Variants in CPQ observed in about 807,000 individuals in gnomAD.
CPQ encodes Ser-Met dipeptidase.
Under a neutral mutation model 45.7 loss-of-function variants are expected in CPQ, and 37 were observed. That is an observed-to-expected ratio of 0.81 (90% CI 0.62 to 1.07). The LOEUF is 1.07. Among genes scored for constraint, CPQ ranks in the 50% least tolerant of loss-of-function variants. CPQ has a pLI of 0.00. For synonymous variants in CPQ, 186 were observed against 205.8 expected, an observed-to-expected ratio of 0.90 and a Z score of 0.82; for missense variants, 537 against 572.9, an observed-to-expected ratio of 0.94 and a Z score of 0.64.
At chr8:96,804,287 C>T (rs1274573425) in intron 2 of CPQ, among the ~76,000 whole-genome samples, 1 of 152,084 alleles carries the variant, frequency 6.6e-6, no homozygotes, top group Non-Finnish European at 1.5e-5. Context: ...TGTGCTCTCA[C>T]ACTTCTTAGG....
intron 7 of CPQ, among the ~76,000 whole-genome samples, chr8:97,120,872 G>A (rs1296809072): frequency 6.6e-6 from 1 of 152,196 alleles, no homozygotes; most frequent in African/African-American, 2.4e-5. Flanking sequence ...TTTTGATGAT[G>A]AGTAATAATG....
At chr8:96,730,061 A>G (rs1809890710) in intron 1 of CPQ, among the ~76,000 whole-genome samples, 1 of 152,242 alleles carries the variant, frequency 6.6e-6, no homozygotes, top group Non-Finnish European at 1.5e-5. Flanking sequence ...TGAGGGAGGT[A>G]AACACAAAGG....
At chr8:96,693,778 G>T (rs893765991) in intron 1 of CPQ, among the ~76,000 whole-genome samples, 5 of 152,100 alleles carry the variant, frequency 3.3e-5, no homozygotes, top group Non-Finnish European at 7.4e-5. Context: ...TGAAGGCAAA[G>T]GACTCAGTGG....
chr8:96,944,442 A>G (rs1035717974), intron 4 of CPQ, among the ~76,000 whole-genome samples: 4 of 152,146 alleles, frequency 2.6e-5, no homozygotes, highest in East Asian at 3.9e-4. Flanking sequence ...AATATAATCA[A>G]TGCTAGTAAG....
chr8:96,664,036 C>T (rs1006090484), intron 1 of CPQ, among the ~76,000 whole-genome samples: 20 of 151,974 alleles, frequency 1.3e-4, no homozygotes, highest in African/African-American at 4.6e-4. Context: ...TCAAGAACAT[C>T]GAAGGTTATT....
chr8:96,654,703 A>G (rs545407065), intron 1 of CPQ, among the ~76,000 whole-genome samples: 33 of 152,250 alleles, frequency 2.2e-4, no homozygotes, highest in Non-Finnish European at 4.0e-4. Context: ...TTCTGACTTC[A>G]GAGAAAAAGC....
At chr8:96,686,338 A>C (rs1053274817) in intron 1 of CPQ, among the ~76,000 whole-genome samples, 2 of 152,040 alleles carry the variant, frequency 1.3e-5, no homozygotes, top group African/African-American at 4.8e-5. Flanking sequence ...GATGCAACAG[A>C]GATATTTTGT....
chr8:97,047,995 T>G (rs1178068789), intron 6 of CPQ, among the ~76,000 whole-genome samples: 1 of 152,212 alleles, frequency 6.6e-6, no homozygotes, highest in African/African-American at 2.4e-5. Context: ...ACACTCTATA[T>G]GTGAAGACCC....
At chr8:96,948,079 T>C (rs1009547758) in intron 4 of CPQ, among the ~76,000 whole-genome samples, 19 of 152,002 alleles carry the variant, frequency 1.2e-4, no homozygotes, top group African/African-American at 3.9e-4. Context: ...TTTTAAATAC[T>C]TAGCTTCTTC....
At chr8:97,016,140 A>C (rs972165335) in intron 5 of CPQ, among the ~76,000 whole-genome samples, 3 of 152,206 alleles carry the variant, frequency 2.0e-5, no homozygotes, top group African/African-American at 7.2e-5. Context: ...GTAAATACCT[A>C]TCATTTAATT....
chr8:97,120,186 T>C (rs1168186914), intron 7 of CPQ, among the ~76,000 whole-genome samples: 1 of 152,158 alleles, frequency 6.6e-6, no homozygotes, highest in Non-Finnish European at 1.5e-5. Context: ...AAGGAGCAGC[T>C]CTTCATGTGG....
chr8:96,684,107 CTT>C (rs371802996), intron 1 of CPQ, among the ~76,000 whole-genome samples: 2 of 152,068 alleles, frequency 1.3e-5, no homozygotes, highest in Admixed American at 6.6e-5. Flanking sequence ...TGTTTCTTTG[CTT>C]TTTTGTGTTT....
chr8:96,738,542 G>A lies in CPQ; in HGVS notation c.-34-46322G>A, dbSNP rs1332235982. Among the ~76,000 whole-genome samples, 11 of 151,714 alleles carry A rather than the reference G, an allele frequency of 7.3e-5. No homozygotes were observed. In the East Asian group the frequency reaches 2.1e-3, roughly 29 times the overall value. On this transcript the variant is annotated intron_variant, in intron 1 of 7. Coordinates refer to ENST00000220763, the MANE Select transcript of CPQ (RefSeq NM_016134.4). ...AGTTACATATGTATACATGTGCCAT[G>A]CTGGTGCACTGCACCCACAAACTTG... is the stretch of plus-strand genomic sequence containing the variant.
intron 5 of CPQ, among the ~76,000 whole-genome samples, chr8:97,009,405 G>A (rs1470080410): frequency 6.6e-6 from 1 of 152,144 alleles, no homozygotes; most frequent in Non-Finnish European, 1.5e-5. Flanking sequence ...GTAGAAGGTA[G>A]GTGTAAGGCC....
chr8:96,822,526 A>G (rs1461730369), intron 2 of CPQ, among the ~76,000 whole-genome samples: 1 of 151,904 alleles, frequency 6.6e-6, no homozygotes, highest in African/African-American at 2.4e-5. Context: ...GGCATTCTCA[A>G]TTTACATTCT....
intron 1 of CPQ, among the ~76,000 whole-genome samples, chr8:96,686,876 T>C (rs114171545): frequency 0.012 from 1,810 of 152,290 alleles, 47 homozygotes; most frequent in African/African-American, 0.039. Context: ...GATAGTGATA[T>C]GTTAGATTTT....
intron 2 of CPQ, among the ~76,000 whole-genome samples, chr8:96,794,346 G>A (rs116045618): frequency 0.011 from 1,599 of 152,266 alleles, 27 homozygotes; most frequent in African/African-American, 0.034. Context: ...CTCTGAAGCC[G>A]TGGTTCAGAT....
intron 7 of CPQ, among the ~76,000 whole-genome samples, chr8:97,071,461 A>T (rs934824342): frequency 6.6e-6 from 1 of 152,126 alleles, no homozygotes; most frequent in African/African-American, 2.4e-5. Context: ...ATTAGCAGGC[A>T]CTATAATTCA....
chr8:96,699,610 T>C (rs984589293), intron 1 of CPQ, among the ~76,000 whole-genome samples: 1 of 152,058 alleles, frequency 6.6e-6, no homozygotes, highest in African/African-American at 2.4e-5. Flanking sequence ...TATATATATA[T>C]ACCTACTATG....
Sources: gnomAD v4.1 joint callset for allele counts (sites outside exome capture counted in the v4.1 genomes callset) on GRCh38, gnomAD v4.1.1 for gene constraint, MANE v1.5 for transcripts, NCBI Gene and HGNC (gene_info 2026-07-23, HGNC 2026-07-21) for gene names.